Variants in EPB41 observed in about 807,000 individuals in gnomAD.
EPB41 encodes erythrocyte membrane protein band 4.1, also known as protein 4.1.
In EPB41, 65 loss-of-function variants were observed where a neutral mutation model predicts 108.0. The ratio of observed to expected loss-of-function variants is 0.60; its 90% confidence interval spans 0.49 to 0.74. The LOEUF is 0.74. Ranked by LOEUF, EPB41 falls within the 30% of genes least tolerant of loss-of-function variation. The pLI, the probability that EPB41 is intolerant of heterozygous loss-of-function variation, is 0.00. For synonymous variants in EPB41, 336 were observed against 358.9 expected (o/e 0.94, Z 0.72); for missense variants, 875 against 1,037.0 (o/e 0.84, Z 2.15).
At chr1:29,042,167 A>G (rs940860632) in intron 11 of EPB41, among the ~76,000 whole-genome samples, 1 of 152,224 alleles carries the variant, frequency 6.6e-6, no homozygotes, top group Non-Finnish European at 1.5e-5. Flanking sequence ...AGGAAATTTT[A>G]TAATAGAATG....
At position 28,907,727 on chromosome 1, in the gene EPB41, C is replaced by A. The variant is rs372738794; in HGVS notation, c.-8+20517C>A. Among the ~76,000 whole-genome samples the A allele has an allele frequency of 4.3e-4, 66 of 152,230 alleles. 1 individual carries two copies. In the South Asian group the frequency reaches 4.4e-3, roughly 10 times the overall value. On this transcript the variant is annotated intron_variant, in intron 1 of 16. Transcript: ENST00000347529. ...TCCCAGGCTCCAGTGATCCTCCCAC[C>A]TCAGTCTCTCGAGTAGCTGGGACCA...
chr1:29,030,549 TTATG>T (rs2096775286), intron 8 of EPB41, 62 bp downstream of exon 8: 1 of 1,179,540 alleles, frequency 8.5e-7, no homozygotes, highest in Non-Finnish European at 1.3e-6. Context: ...TACATGTCTG[TTATG>T]TATGTATCAC....
intron 11 of EPB41, among the ~76,000 whole-genome samples, chr1:29,043,366 C>G (rs1404052401): frequency 2.6e-5 from 4 of 152,230 alleles, no homozygotes; most frequent in Non-Finnish European, 4.4e-5. Context: ...AGTACAAAGT[C>G]CTGAAAGTAG....
At chr1:29,096,369 T>G in intron 16 of EPB41, 2 of 985,942 alleles carry the variant, frequency 2.0e-6, no homozygotes, top group Non-Finnish European at 2.4e-6. Context: ...GCTGGCTATC[T>G]TGATATTAAG....
intron 1 of EPB41, among the ~76,000 whole-genome samples, chr1:28,973,780 A>C (rs2095544046): frequency 6.6e-6 from 1 of 152,186 alleles, no homozygotes; most frequent in African/African-American, 2.4e-5. Context: ...GGACCCACGT[A>C]CTAGAAGAAT....
Position 28,887,359 on chromosome 1 carries a change from A to T in EPB41, c.-8+149A>T. 1 of 1,147,032 alleles carries T rather than the reference A, an allele frequency of 8.7e-7. No homozygotes were observed. The highest frequency in any genetic ancestry group is 1.1e-6 in the Non-Finnish European group (1 of 920,762). 71.1% of individuals were successfully genotyped at this position (1,147,032 alleles called of 1,614,324 possible). On this transcript the variant is annotated intron_variant, in intron 1 of 16. Transcript: ENST00000347529. The surrounding 1 kb of genome is among the most constrained non-coding windows in gnomAD (Gnocchi z 4.9). ...AGGGCTGAGGGGTCCAGCGGTCCCG[A>T]ATTCCAGAATCCGAACTTGGGGTCC...
At chr1:29,009,274 G>T (rs963566659) in intron 4 of EPB41, among the ~76,000 whole-genome samples, 1 of 151,692 alleles carries the variant, frequency 6.6e-6, no homozygotes, top group African/African-American at 2.4e-5. Flanking sequence ...TGTACACATT[G>T]ATTTTTATTA....
In EPB41 at chr1:29,065,166, C is replaced by T. The variant is rs747880797; in HGVS notation, c.2184+8C>T. On this transcript the variant is annotated splice_region_variant and intron_variant, in intron 16 of 20. Transcript: ENST00000343067. Reference sequence around the variant, plus strand: ...ATCCCCACAGGAGAAGGAGTGAGTACTTTGTCCACATGACCAATTGTGAAA... The same window carrying T: ...ATCCCCACAGGAGAAGGAGTGAGTATTTTGTCCACATGACCAATTGTGAAA... 1 of 1,574,228 alleles carries T rather than the reference C, an allele frequency of 6.4e-7. No homozygotes were observed. Among genetic ancestry groups the T allele is most frequent in the Non-Finnish European group, 8.6e-7 (1 of 1,158,582 alleles).
chr1:29,003,641 CTTTG>C (rs2096345748), intron 4 of EPB41, among the ~76,000 whole-genome samples: 1 of 152,136 alleles, frequency 6.6e-6, no homozygotes, highest in Admixed American at 6.5e-5. Flanking sequence ...GAGCTTTGTG[CTTTG>C]TTTGTAGACA....
intron 7 of EPB41, among the ~76,000 whole-genome samples, chr1:29,021,587 C>CTT (rs376316483): frequency 1.4e-5 from 2 of 142,242 alleles, no homozygotes; most frequent in African/African-American, 2.6e-5. Context: ...CTTTTTTTTT[C>CTT]TTTTTTTTTT....
At chr1:28,903,860 T>A (rs1195531520) in intron 1 of EPB41, among the ~76,000 whole-genome samples, 1 of 151,394 alleles carries the variant, frequency 6.6e-6, no homozygotes, top group Non-Finnish European at 1.5e-5. Context: ...GCAGTTTTTT[T>A]GTTGTTGTTG....
At chr1:28,953,745 A>G (rs917393746) in intron 1 of EPB41, among the ~76,000 whole-genome samples, 3 of 152,218 alleles carry the variant, frequency 2.0e-5, no homozygotes, top group Admixed American at 1.3e-4. Flanking sequence ...TATTAGTTAG[A>G]TCTCATTTTC....
At chr1:28,937,018 C>T (rs1488163059) in intron 1 of EPB41, among the ~76,000 whole-genome samples, 1 of 152,154 alleles carries the variant, frequency 6.6e-6, no homozygotes, top group East Asian at 1.9e-4. Context: ...CACCATTTTA[C>T]ATTCCTAAAG....
In EPB41 at chr1:28,887,181, TCGG is replaced by T; in HGVS notation, c.-35_-33del. On this transcript the variant is annotated 5_prime_UTR_variant, in exon 1 of 17. Transcript: ENST00000347529. This position sits in a 1 kb window ranked among gnomAD's most constrained non-coding sequence, Gnocchi z 4.9. ...AGAGCGGCGCGGAGCCAGAACGCGG[TCGG>T]CCCGGTCCCCGCCGCACCCAGCCCA... The T allele has an allele frequency of 8.1e-7, 1 of 1,233,472 alleles. No homozygotes were observed. Among genetic ancestry groups the T allele is most frequent in the Non-Finnish European group, 1.1e-6 (1 of 939,652 alleles). 76.4% of individuals were successfully genotyped at this position (1,233,472 alleles called of 1,614,324 possible).
At chr1:28,953,284 G>A (rs182823136) in intron 1 of EPB41, among the ~76,000 whole-genome samples, 1 of 151,546 alleles carries the variant, frequency 6.6e-6, no homozygotes, top group East Asian at 2.0e-4. Context: ...CAGTTCCATG[G>A]TAGAGTTTAA....
intron 10 of EPB41, among the ~76,000 whole-genome samples, chr1:29,038,614 A>T (rs1640354508): frequency 1.3e-5 from 2 of 152,350 alleles, no homozygotes; most frequent in South Asian, 4.1e-4. Flanking sequence ...CAAAAACACA[A>T]AGATGAATAA....
intron 11 of EPB41, 60 bp from the exon 12 acceptor site, chr1:29,053,044 T>C (rs1644794695): frequency 6.3e-7 from 1 of 1,581,698 alleles, no homozygotes; most frequent in South Asian, 1.1e-5. Context: ...CCTGGTGACT[T>C]TGAAATAATA....
In EPB41 at chr1:29,115,779, C is replaced by T. The variant is rs536178; in HGVS notation, c.2577C>T (p.Thr859=). Reference sequence around the variant, plus strand: ...CCAAGGTGGTCGTCCACCAGGAGACCGAGATTGCTGATGAGTGAGCTCAGG... The same window carrying T: ...CCAAGGTGGTCGTCCACCAGGAGACTGAGATTGCTGATGAGTGAGCTCAGG... The part of the protein sequence containing the change: ...SVTKVVVHQE[T]EIADE Residue 859 remains threonine (T), a synonymous_variant, in exon 20 of 21, where the codon ACC becomes ACT. Transcript: ENST00000343067. The surrounding 1 kb of genome is among the most constrained non-coding windows in gnomAD (Gnocchi z 4.4). 127,442 of 1,613,570 alleles carry T rather than the reference C, an allele frequency of 0.079. 5,958 individuals carry two copies. Among genetic ancestry groups the T allele is most frequent in the African/African-American group, 0.2 (15,232 of 74,960 alleles).
chr1:29,010,878 C>T (rs1316944951), intron 4 of EPB41, among the ~76,000 whole-genome samples: 11 of 152,048 alleles, frequency 7.2e-5, no homozygotes, highest in African/African-American at 2.2e-4. Context: ...TTTGGGAGGC[C>T]GAGCCGGGCA....
Sources: allele counts gnomAD v4.1 joint callset (sites outside exome capture counted in the v4.1 genomes callset), GRCh38; gene constraint gnomAD v4.1.1; non-coding constraint Gnocchi (gnomAD v3.1); transcripts MANE v1.5; gene names NCBI Gene and HGNC (gene_info 2026-07-23, HGNC 2026-07-21).